Variants in BMS1 observed in about 807,000 individuals in gnomAD.
The protein encoded by BMS1 is ribosome biogenesis protein BMS1 homolog.
BMS1 carries 53 observed loss-of-function variants against 138.7 expected under a neutral mutation model. The ratio of observed to expected loss-of-function variants is 0.38; its 90% CI spans 0.31 to 0.48. The LOEUF is 0.48. Among genes scored for constraint, BMS1 ranks in the 20% least tolerant of loss-of-function variants. The probability of loss-of-function intolerance (pLI) is 0.97; values close to 1 mark genes in which losing one functional copy is unlikely to be tolerated. For missense variants in BMS1, 1,360 were observed against 1,565.5 expected (o/e 0.87, Z 2.22); for synonymous variants, 504 against 539.9 (o/e 0.93, Z 0.92).
intron 13 of BMS1, among the ~76,000 whole-genome samples, chr10:42,805,877 G>T (rs1265331945): frequency 6.6e-6 from 1 of 152,068 alleles, no homozygotes; most frequent in East Asian, 1.9e-4. Context: ...TCAGCTCACT[G>T]CAGCCTCTGC....
intron 22 of BMS1, 78 bp downstream of exon 22, chr10:42,830,500 A>C: frequency 6.6e-7 from 1 of 1,518,730 alleles, no homozygotes; most frequent in Non-Finnish European, 8.8e-7. Flanking sequence ...TCCTGTTTCT[A>C]CTGTAGTCTC....
chr10:42,788,931 G>T (rs1841421188), intron 4 of BMS1, among the ~76,000 whole-genome samples: 1 of 152,252 alleles, frequency 6.6e-6, no homozygotes, highest in East Asian at 1.9e-4. Flanking sequence ...TATTTTGGAG[G>T]TATATAATCA....
chr10:42,817,865 G>T (rs1289817586), intron 15 of BMS1, among the ~76,000 whole-genome samples: 1 of 152,208 alleles, frequency 6.6e-6, no homozygotes, highest in Non-Finnish European at 1.5e-5. Flanking sequence ...GATTTGAATG[G>T]CAGGTGATCA....
chr10:42,784,978 A>G (rs1262239628), intron 2 of BMS1, among the ~76,000 whole-genome samples: 1 of 152,170 alleles, frequency 6.6e-6, no homozygotes, highest in Admixed American at 6.5e-5. Context: ...ACATTATTCA[A>G]CTAAATCCTT....
chr10:42,785,818 A>G (rs1199829611), intron 3 of BMS1, 146 bp downstream of exon 3: 12 of 875,780 alleles, frequency 1.4e-5, no homozygotes, highest in African/African-American at 3.4e-5. Flanking sequence ...TAAGTTGGCT[A>G]TAGCTTCAGA....
chr10:42,829,396 C>A (rs1842741135), intron 21 of BMS1, among the ~76,000 whole-genome samples: 1 of 152,264 alleles, frequency 6.6e-6, no homozygotes, highest in African/African-American at 2.4e-5. Flanking sequence ...TTGCCTTCAT[C>A]TGTTGTTTGA....
Position 42,791,904 on chromosome 10 carries a change from T to G in BMS1, c.779+135T>G, listed in dbSNP as rs1009133231. On this transcript the variant is annotated intron_variant, in intron 6 of 22. Transcript: ENST00000374518. Reference sequence around the variant, plus strand: ...ATAGAAGTGTAGTTGATGGAAAATGTCTACTTATATCATTGCTCAAAGATG... The same window carrying G: ...ATAGAAGTGTAGTTGATGGAAAATGGCTACTTATATCATTGCTCAAAGATG... 25 of 1,108,670 alleles carry G rather than the reference T, an allele frequency of 2.3e-5. No homozygotes were observed. In the African/African-American group the frequency reaches 4.0e-4, roughly 18 times the overall value. 68.7% of individuals were successfully genotyped at this position (1,108,670 alleles called of 1,614,324 possible). A position where few individuals can be genotyped will look rare whatever the true frequency, so the allele number is the denominator to read the frequency against.
chr10:42,827,042 A>G (rs1333287278), intron 21 of BMS1, among the ~76,000 whole-genome samples: 3 of 152,188 alleles, frequency 2.0e-5, no homozygotes, highest in African/African-American at 7.2e-5. Flanking sequence ...AGTGGGAGGT[A>G]TTTGGGTCAC....
chr10:42,829,841 A>G (rs538687695), intron 21 of BMS1, among the ~76,000 whole-genome samples: 44 of 152,278 alleles, frequency 2.9e-4, no homozygotes, highest in African/African-American at 1.0e-3. Context: ...AACAAAACAA[A>G]AAAAACATCC....
intron 13 of BMS1, among the ~76,000 whole-genome samples, chr10:42,808,177 T>C (rs1162755638): frequency 6.6e-6 from 1 of 152,144 alleles, no homozygotes; most frequent in Non-Finnish European, 1.5e-5. Context: ...TATGTTTAAC[T>C]CCATCGTCGG....
chr10:42,821,812 C>T (rs1202755404), intron 18 of BMS1, among the ~76,000 whole-genome samples: 1 of 152,134 alleles, frequency 6.6e-6, no homozygotes, highest in Non-Finnish European at 1.5e-5. Context: ...CTTGGCCTCC[C>T]AAAGTGCTGG....
chr10:42,821,468 A>G (rs894515881), intron 18 of BMS1, among the ~76,000 whole-genome samples: 2 of 149,476 alleles, frequency 1.3e-5, no homozygotes, highest in African/African-American at 5.0e-5. Flanking sequence ...TTTCTTTTCC[A>G]TTTCATTCCA....
chr10:42,800,421 A>C (rs1222117115), intron 12 of BMS1, among the ~76,000 whole-genome samples: 1 of 152,154 alleles, frequency 6.6e-6, no homozygotes, highest in Non-Finnish European at 1.5e-5. Flanking sequence ...GTGATGTTCC[A>C]TTCAATCATT....
intron 15 of BMS1, among the ~76,000 whole-genome samples, chr10:42,819,885 G>A (rs1447139437): frequency 8.5e-5 from 13 of 152,128 alleles, no homozygotes; most frequent in Middle Eastern, 3.4e-3. Context: ...TCCGTCTCCC[G>A]GGTTCAAGCA....
chr10:42,785,127 AT>A (rs1460381988), intron 2 of BMS1, among the ~76,000 whole-genome samples: 1 of 152,234 alleles, frequency 6.6e-6, no homozygotes, highest in African/African-American at 2.4e-5. Flanking sequence ...CTCTGCTCTT[AT>A]CTGCTATGAT....
chr10:42,805,958 C>A (rs1842000118), intron 13 of BMS1, among the ~76,000 whole-genome samples: 1 of 152,096 alleles, frequency 6.6e-6, no homozygotes, highest in Non-Finnish European at 1.5e-5. Context: ...CATTATCACG[C>A]CTGGCTAGTT....
At chr10:42,786,587 T>TC (rs1841337070) in intron 3 of BMS1, among the ~76,000 whole-genome samples, 2 of 150,262 alleles carry the variant, frequency 1.3e-5, no homozygotes, top group Non-Finnish European at 3.0e-5. Context: ...TTCTTTTTTT[T>TC]CCTTTTTTTT....
rs73254210 is a variant in BMS1 at position 42,798,822 on chromosome 10, A to G, written c.2247+197A>G. Among the ~76,000 whole-genome samples the G allele has an allele frequency of 4.1e-3, 620 of 152,340 alleles. 4 individuals carry two copies. The highest frequency in any genetic ancestry group is 0.014 in the African/African-American group (588 of 41,590). On this transcript the variant is annotated intron_variant, in intron 12 of 22. Transcript: ENST00000374518. ...TTCTGAGTTTAGTTAGACCATGTAC[A>G]TGGCCCACAGAGGACAGGTTCAGCT...
chr10:42,798,017 G>A (rs898684937), intron 11 of BMS1, among the ~76,000 whole-genome samples: 3 of 152,314 alleles, frequency 2.0e-5, no homozygotes, highest in African/African-American at 7.2e-5. Context: ...ACTGCATGGT[G>A]AGATCAAGGC....
Sources: allele counts gnomAD v4.1 joint callset (sites outside exome capture counted in the v4.1 genomes callset), GRCh38; gene constraint gnomAD v4.1.1; transcripts MANE v1.5; gene names NCBI Gene and HGNC (gene_info 2026-07-23, HGNC 2026-07-21).